IL1RAPL1: variants seen among roughly 807,000 people sequenced by gnomAD.
IL1RAPL1 encodes interleukin 1 receptor accessory protein like 1, also known as interleukin-1 receptor accessory protein-like 1.
IL1RAPL1 carries 3 observed loss-of-function variants against 48.4 expected under a neutral mutation model. The observed-to-expected ratio is 0.06, with a 90% CI of 0.03 to 0.16. The LOEUF is 0.16. Ranked by LOEUF, IL1RAPL1 falls within the 10% of genes least tolerant of loss-of-function variation. The pLI is 1.00. For missense variants in IL1RAPL1, 349 were observed against 530.6 expected (o/e 0.66, Z 3.36); for synonymous variants, 185 against 187.7 (o/e 0.99, Z 0.12).
chrX:29,884,671 C>G (rs997497823), intron 6 of IL1RAPL1, among the ~76,000 whole-genome samples: 2 of 111,411 alleles, frequency 1.8e-5, no homozygotes, highest in African/African-American at 6.5e-5. Flanking sequence ...CTATCCGTCT[C>G]TGCTGGAATA....
intron 3 of IL1RAPL1, among the ~76,000 whole-genome samples, chrX:29,352,992 G>A (rs1201165915): frequency 2.7e-5 from 3 of 111,647 alleles, no homozygotes. Context: ...GCTACTGGCA[G>A]CTTTATTTTT....
intron 7 of IL1RAPL1, among the ~76,000 whole-genome samples, chrX:29,917,898 G>A (rs1407624836): frequency 5.6e-5 from 6 of 106,744 alleles, no homozygotes; most frequent in South Asian, 4.1e-4. Context: ...CAGATTGGGC[G>A]GATTGCTTGA....
intron 3 of IL1RAPL1, among the ~76,000 whole-genome samples, chrX:29,354,730 C>G (rs1164635933): frequency 2.7e-5 from 3 of 111,987 alleles, no homozygotes; most frequent in Non-Finnish European, 5.7e-5. Flanking sequence ...CAAGTCAAAC[C>G]ATCATAAGTC....
chrX:28,882,449 C>T (rs1922525673), intron 2 of IL1RAPL1, among the ~76,000 whole-genome samples: 1 of 111,787 alleles, frequency 8.9e-6, no homozygotes, highest in South Asian at 3.7e-4. Flanking sequence ...TTGAGACCAG[C>T]CTGGCCAACA....
chrX:29,537,990 T>G (rs1399710615), intron 5 of IL1RAPL1, among the ~76,000 whole-genome samples: 1 of 111,539 alleles, frequency 9.0e-6, no homozygotes, highest in African/African-American at 3.2e-5. Flanking sequence ...TTAATTTATT[T>G]GCAGATACAA....
intron 1 of IL1RAPL1, chrX:28,659,222 C>T (rs1165705086): frequency 2.7e-6 from 2 of 740,224 alleles, no homozygotes; most frequent in Admixed American, 4.8e-5. Flanking sequence ...ACTCTGGAAG[C>T]GCAGATCTGT....
At chrX:28,724,388 T>C (rs1337722165) in intron 1 of IL1RAPL1, among the ~76,000 whole-genome samples, 1 of 111,442 alleles carries the variant, frequency 9.0e-6, no homozygotes, top group African/African-American at 3.3e-5. Context: ...TGGTTTAAAG[T>C]CTGTTTTATC....
chrX:28,760,811 G>A, intron 1 of IL1RAPL1, among the ~76,000 whole-genome samples: 1 of 110,804 alleles, frequency 9.0e-6, no homozygotes, highest in Non-Finnish European at 1.9e-5. Flanking sequence ...AGATTGGCTG[G>A]GCGCGGTGGC....
chrX:28,985,894 T>C (rs755227661), intron 2 of IL1RAPL1, among the ~76,000 whole-genome samples: 4 of 110,428 alleles, frequency 3.6e-5, no homozygotes, highest in East Asian at 2.9e-4. Flanking sequence ...CTCCTGACCT[T>C]GTGATCCGCC....
intron 5 of IL1RAPL1, among the ~76,000 whole-genome samples, chrX:29,659,255 T>C (rs1925772132): frequency 1.8e-5 from 2 of 111,951 alleles, no homozygotes; most frequent in Admixed American, 9.5e-5. Flanking sequence ...TTCTCTACCT[T>C]CATAAGATTG....
chrX:29,696,785 T>C (rs907024635), intron 6 of IL1RAPL1, among the ~76,000 whole-genome samples: 1 of 110,429 alleles, frequency 9.1e-6, no homozygotes, highest in Non-Finnish European at 1.9e-5. Context: ...ATAATAACAA[T>C]CGCCTTTTTT....
At chrX:29,149,571 A>G (rs73210102) in intron 2 of IL1RAPL1, among the ~76,000 whole-genome samples, 6,558 of 111,648 alleles carry the variant, frequency 0.059, 197 homozygotes, top group African/African-American at 0.11. Context: ...CAGATTTGAA[A>G]GAAACCTGAG....
chrX:29,825,832 A>G (rs1158996405), intron 6 of IL1RAPL1, among the ~76,000 whole-genome samples: 1 of 111,824 alleles, frequency 8.9e-6, no homozygotes, highest in Non-Finnish European at 1.9e-5. Context: ...AAATCATTTT[A>G]AAATCTAAAA....
chrX:28,965,817 G>A (rs1313804445), intron 2 of IL1RAPL1, among the ~76,000 whole-genome samples: 1 of 112,008 alleles, frequency 8.9e-6, no homozygotes, highest in African/African-American at 3.2e-5. Flanking sequence ...CTATCATAAA[G>A]AGTGCTGTTA....
chrX:29,134,667 T>G (rs969018544), intron 2 of IL1RAPL1, among the ~76,000 whole-genome samples: 1 of 111,361 alleles, frequency 9.0e-6, no homozygotes, highest in Non-Finnish European at 1.9e-5. Flanking sequence ...CATAAATCCC[T>G]CAGGACTCAA....
intron 3 of IL1RAPL1, among the ~76,000 whole-genome samples, chrX:29,349,993 C>CCA (rs1933201394): frequency 9.4e-6 from 1 of 106,327 alleles, no homozygotes; most frequent in African/African-American, 3.5e-5. Flanking sequence ...AGGGTTTCAC[C>CCA]ATAGATAAAT....
rs1455071954 is a variant in IL1RAPL1, at chrX:29,208,740, A to AAT, written c.83-74197_83-74196insTA. Among the ~76,000 whole-genome samples the AAT allele has an allele frequency of 8.2e-3, 879 of 106,731 alleles. 16 individuals are homozygous for AAT. The highest frequency in any genetic ancestry group is 0.029 in the African/African-American group (841 of 29,093). 92.7% of individuals were successfully genotyped at this position (106,731 alleles called of 115,157 possible). The stretch of plus-strand genomic sequence containing the variant: ...AATAATAATAATAATAATAATAAAT[A>AAT]AATAAATAAATAAAAGTCTTAGCTA... On this transcript the variant is annotated intron_variant, in intron 2 of 10. Transcript: ENST00000378993.
Position 29,579,115 on chromosome X carries a change from T to C in IL1RAPL1, c.704-89315T>C, listed in dbSNP as rs138749150. ...GGAAACAGTTTCCAGGAGTGGAAGATTGGAAGCTTTTAAGATCAAGGCTGA... is the reference window on the plus strand; with the variant it reads ...GGAAACAGTTTCCAGGAGTGGAAGACTGGAAGCTTTTAAGATCAAGGCTGA... On this transcript the variant is annotated intron_variant, in intron 5 of 10. Coordinates refer to ENST00000378993, the MANE Select transcript of IL1RAPL1 (RefSeq NM_014271.4). Among the ~76,000 whole-genome samples, 1,019 of 111,837 alleles carry C rather than the reference T, an allele frequency of 9.1e-3. 12 individuals carry two copies. Among genetic ancestry groups the C allele is most frequent in the African/African-American group, 0.031 (964 of 30,745 alleles).
intron 6 of IL1RAPL1, among the ~76,000 whole-genome samples, chrX:29,803,168 T>C (rs1380427198): frequency 5.0e-5 from 4 of 79,529 alleles, no homozygotes; most frequent in Non-Finnish European, 9.3e-5. Context: ...TGCATACACA[T>C]ATGCATACAT....
Sources: gnomAD v4.1 joint callset for allele counts (sites outside exome capture counted in the v4.1 genomes callset) on GRCh38, gnomAD v4.1.1 for gene constraint, MANE v1.5 for transcripts, NCBI Gene and HGNC (gene_info 2026-07-23, HGNC 2026-07-21) for gene names.